ATP11C: variants seen among roughly 807,000 people sequenced by gnomAD.
ATP11C encodes ATPase phospholipid transporting 11C (ATP11C blood group).
ATP11C carries 36 observed loss-of-function variants against 97.4 expected under a neutral mutation model. The observed-to-expected ratio is 0.37, with a 90% confidence interval of 0.28 to 0.49. The LOEUF is 0.49. Ranked by LOEUF, ATP11C falls within the 20% of genes least tolerant of loss-of-function variation. The probability of loss-of-function intolerance (pLI) is 0.98; values close to 1 mark genes in which losing one functional copy is unlikely to be tolerated. For missense variants in ATP11C, 730 were observed against 824.6 expected (o/e 0.89, Z 1.40); for synonymous variants, 275 against 290.9 (o/e 0.95, Z 0.56).
In ATP11C at chrX:139,770,071, C is replaced by A. The variant is rs887771858; in HGVS notation, c.2217-1637G>T. 5.4e-5 allele frequency among the ~76,000 whole-genome samples: 6 copies of A among 111,921 alleles called. No homozygotes were observed. The East Asian group carries it at 8.4e-4, about 16-fold the overall frequency. Reference sequence around the variant, plus strand: ...AAATGATGTGTTCTCTTTCTTTGCTCCCCTACTCATATATTAATAGCTTAC... The same window carrying A: ...AAATGATGTGTTCTCTTTCTTTGCTACCCTACTCATATATTAATAGCTTAC... On this transcript the variant is annotated intron_variant, in intron 19 of 29. Coordinates refer to ENST00000682941, the MANE Select transcript of ATP11C (RefSeq NM_001353812.2).
chrX:139,837,223 G>C (rs2083762970), intron 1 of ATP11C, among the ~76,000 whole-genome samples: 1 of 111,948 alleles, frequency 8.9e-6, no homozygotes, highest in African/African-American at 3.2e-5. Context: ...GTGTATGACT[G>C]AAAATAGCAA....
chrX:139,878,272 T>C (rs1169930886), intron 1 of ATP11C, among the ~76,000 whole-genome samples: 1 of 111,828 alleles, frequency 8.9e-6, no homozygotes, highest in East Asian at 2.8e-4. Context: ...TACTCAATAA[T>C]TATTGTTACC....
At chrX:139,851,362 G>C (rs1024516126) in intron 1 of ATP11C, among the ~76,000 whole-genome samples, 8 of 112,200 alleles carry the variant, frequency 7.1e-5, no homozygotes, top group Non-Finnish European at 1.5e-4. Context: ...CAGAATATGA[G>C]AGTTGTGGGG....
chrX:139,871,249 C>T (rs2084371803), intron 1 of ATP11C, among the ~76,000 whole-genome samples: 1 of 105,759 alleles, frequency 9.5e-6, no homozygotes, highest in Non-Finnish European at 1.9e-5. Context: ...GCTCTGTCTG[C>T]CCAGGCTGGA....
chrX:139,756,173 AAC>A (rs1354393604), intron 23 of ATP11C, among the ~76,000 whole-genome samples: 1 of 112,429 alleles, frequency 8.9e-6, no homozygotes, highest in Admixed American at 9.4e-5. Flanking sequence ...AAAGGACACG[AAC>A]AGACACTTTT....
At chrX:139,899,922 T>A (rs1223010154) in intron 1 of ATP11C, among the ~76,000 whole-genome samples, 1 of 111,149 alleles carries the variant, frequency 9.0e-6, no homozygotes, top group Non-Finnish European at 1.9e-5. Flanking sequence ...GTCAAAATAG[T>A]GTCTTTGAGT....
intron 1 of ATP11C, among the ~76,000 whole-genome samples, chrX:139,889,798 C>T (rs1016740908): frequency 8.9e-6 from 1 of 111,817 alleles, no homozygotes; most frequent in Admixed American, 9.5e-5. Context: ...TGTGTAAAAA[C>T]GGGCTCTGGT....
At chrX:139,748,012 C>A (rs1178419488) in intron 24 of ATP11C, among the ~76,000 whole-genome samples, 1 of 111,814 alleles carries the variant, frequency 8.9e-6, no homozygotes, top group Non-Finnish European at 1.9e-5. Flanking sequence ...GTCACTAAAA[C>A]CTTATGGAAA....
chrX:139,810,629 G>A (rs1345633072), intron 5 of ATP11C, among the ~76,000 whole-genome samples: 2 of 111,981 alleles, frequency 1.8e-5, no homozygotes, highest in East Asian at 5.6e-4. Context: ...GCAATACTTG[G>A]AGGAAAATTT....
At position 139,932,912 on chromosome X, in the gene ATP11C, C is replaced by T. The variant is rs979585081; in HGVS notation, c.-870G>A. ...AGCCCACCCTCCTCATCTGCACCGA[C>T]GAGGGTTCCCCCTCGACCCTCGCGC... On this transcript the variant is annotated 5_prime_UTR_variant, in exon 1 of 30. Transcript: ENST00000682941. 1.8e-5 allele frequency: 2 copies of T among 112,016 alleles called. No homozygotes were observed. Among genetic ancestry groups the T allele is most frequent in the African/African-American group, 3.2e-5 (1 of 30,877 alleles). The allele number at this position is 112,016 out of a possible 1,213,427, so 9.2% of individuals were successfully genotyped here.
At chrX:139,859,550 A>C (rs1339144390) in intron 1 of ATP11C, among the ~76,000 whole-genome samples, 1 of 112,220 alleles carries the variant, frequency 8.9e-6, no homozygotes, top group African/African-American at 3.2e-5. Flanking sequence ...AAATTCAAAC[A>C]AAAAAGAGCT....
intron 24 of ATP11C, among the ~76,000 whole-genome samples, chrX:139,749,783 A>C (rs1361595723): frequency 2.7e-5 from 3 of 112,079 alleles, no homozygotes; most frequent in Non-Finnish European, 3.8e-5. Flanking sequence ...TATAGTTTCA[A>C]GTTTTAGGAA....
At chrX:139,908,870 G>A (rs376817703) in intron 1 of ATP11C, among the ~76,000 whole-genome samples, 2 of 112,128 alleles carry the variant, frequency 1.8e-5, no homozygotes, top group East Asian at 5.6e-4. Context: ...TGTTTCCAAT[G>A]CAGGCTCACA....
intron 1 of ATP11C, among the ~76,000 whole-genome samples, chrX:139,892,262 T>C (rs180899263): frequency 8.9e-6 from 1 of 111,817 alleles, no homozygotes; most frequent in African/African-American, 3.2e-5. Context: ...GTACAGAATG[T>C]CAGGTGCTTG....
At chrX:139,785,888 G>A (rs918362962) in intron 15 of ATP11C, among the ~76,000 whole-genome samples, 12 of 111,597 alleles carry the variant, frequency 1.1e-4, no homozygotes, top group African/African-American at 3.9e-4. Context: ...GTAATATGAT[G>A]AAGAAAGGGG....
At chrX:139,799,748 G>A (rs2082882499) in intron 8 of ATP11C, among the ~76,000 whole-genome samples, 1 of 103,132 alleles carries the variant, frequency 9.7e-6, no homozygotes, top group African/African-American at 3.6e-5. Flanking sequence ...CGCCTCCCGG[G>A]TTCAAGAGAT....
chrX:139,810,739 T>C (rs1290772139), intron 5 of ATP11C, among the ~76,000 whole-genome samples: 1 of 111,705 alleles, frequency 9.0e-6, no homozygotes, highest in East Asian at 2.8e-4. Context: ...TCTTTACCTC[T>C]TAGCATTGTT....
rs1413693479 is a variant in ATP11C, at chrX:139,783,196, A to G, written c.1738T>C (p.Leu580=). 1 of 1,206,597 alleles carries G rather than the reference A, an allele frequency of 8.3e-7. No homozygotes were observed. Among genetic ancestry groups the G allele is most frequent in the African/African-American group, 1.8e-5 (1 of 57,127 alleles). Residue 580 remains leucine (L), a synonymous_variant, in exon 17 of 30, where the codon TTA becomes CTA. Transcript: ENST00000682941. ...FPRVQNHEIE[L]TKVHVERNAM... ...TTACGTTCCACATGGACTTTAGTTA[A>G]CTCAATTTCATGATTTTGCACTCTG... is the stretch of plus-strand genomic sequence containing the variant.
In ATP11C at chrX:139,789,319, A is replaced by C; in HGVS notation, c.1368+8T>G. On this transcript the variant is annotated splice_region_variant and intron_variant, in intron 13 of 29. Coordinates refer to ENST00000682941, the MANE Select transcript of ATP11C (RefSeq NM_001353812.2). ...GGTTTCTTATATAAAACAATAATGCAAATGCACCTTATCTACTTTGTCAAA... is the reference window on the plus strand; with the variant it reads ...GGTTTCTTATATAAAACAATAATGCCAATGCACCTTATCTACTTTGTCAAA... 1 of 1,188,232 alleles carries C rather than the reference A, an allele frequency of 8.4e-7. No homozygotes were observed. The highest frequency in any genetic ancestry group is 3.0e-5 in the East Asian group (1 of 33,511).
Sources: allele counts gnomAD v4.1 joint callset (sites outside exome capture counted in the v4.1 genomes callset), GRCh38; gene constraint gnomAD v4.1.1; transcripts MANE v1.5; gene names NCBI Gene and HGNC (gene_info 2026-07-23, HGNC 2026-07-21).